ISY1: variants seen among roughly 807,000 people sequenced by gnomAD.
ISY1 encodes pre-mRNA-splicing factor ISY1 homolog.
A neutral mutation model predicts 54.4 loss-of-function variants in ISY1; 12 were observed. The observed-to-expected ratio is 0.22, with a 90% CI of 0.14 to 0.36. ISY1 has a LOEUF of 0.36. Among genes scored for constraint, ISY1 ranks in the 10% least tolerant of loss-of-function variants. The pLI is 1.00. For synonymous variants in ISY1, 96 were observed against 117.9 expected (o/e 0.81, Z 1.20); for missense variants, 282 against 342.2 (o/e 0.82, Z 1.39).
chr3:129,136,227 G>A (rs914991237), intron 7 of ISY1, among the ~76,000 whole-genome samples: 15 of 151,382 alleles, frequency 9.9e-5, no homozygotes, highest in South Asian at 6.2e-4. Context: ...TCAGCCTCCC[G>A]AGTAGCTGGG....
At chr3:129,160,138 G>A (rs866349192) in intron 1 of ISY1, among the ~76,000 whole-genome samples, 2 of 151,902 alleles carry the variant, frequency 1.3e-5, no homozygotes, top group African/African-American at 4.8e-5. Context: ...CCATTCTCCT[G>A]CCTCAGCCTC....
At chr3:129,130,260 G>A (rs1326438884) in intron 10 of ISY1, 72 bp from the exon 11 acceptor site, 50 of 1,511,198 alleles carry the variant, frequency 3.3e-5, no homozygotes, top group Non-Finnish European at 2.6e-5. Flanking sequence ...CAGCCAGGAG[G>A]AAGTCCCCGT....
At chr3:129,139,022 C>T (rs1346879716) in intron 7 of ISY1, among the ~76,000 whole-genome samples, 1 of 151,816 alleles carries the variant, frequency 6.6e-6, no homozygotes, top group African/African-American at 2.4e-5. Context: ...GCAACCTCTG[C>T]CTCCCAGGTT....
intron 1 of ISY1, 44 bp downstream of exon 1, chr3:129,160,929 C>T: frequency 2.4e-6 from 1 of 424,788 alleles, no homozygotes; most frequent in African/African-American, 2.2e-5. Flanking sequence ...CCCCCCCGCC[C>T]GCCCGCCCAT....
At chr3:129,132,081 C>T (rs1421965896) in intron 9 of ISY1, among the ~76,000 whole-genome samples, 1 of 152,130 alleles carries the variant, frequency 6.6e-6, no homozygotes, top group African/African-American at 2.4e-5. Context: ...CCTCCCACCT[C>T]AGCCTCCCAA....
At chr3:129,148,744 T>C (rs947479337) in intron 5 of ISY1, among the ~76,000 whole-genome samples, 23 of 151,840 alleles carry the variant, frequency 1.5e-4, no homozygotes, top group Non-Finnish European at 3.4e-4. Context: ...TTTGTATTTA[T>C]TTTTAGTAGA....
chr3:129,144,240 C>CA, intron 6 of ISY1: 1 of 345,072 alleles, frequency 2.9e-6, no homozygotes, highest in Non-Finnish European at 5.8e-6. Flanking sequence ...TAAAAAACAG[C>CA]AAAAATAAAA....
intron 6 of ISY1, 53 bp downstream of exon 6, chr3:129,145,708 G>A (rs1936747663): frequency 2.6e-6 from 4 of 1,562,706 alleles, no homozygotes; most frequent in Admixed American, 1.7e-5. Flanking sequence ...GCTGGGAACT[G>A]CTGTGGGTGG....
intron 7 of ISY1, among the ~76,000 whole-genome samples, chr3:129,138,071 T>C (rs1405751281): frequency 6.9e-6 from 1 of 145,914 alleles, no homozygotes; most frequent in African/African-American, 2.6e-5. Flanking sequence ...GGTCAGGAGA[T>C]TGAGACCATC....
intron 5 of ISY1, among the ~76,000 whole-genome samples, chr3:129,153,680 G>A (rs1224444647): frequency 3.9e-5 from 6 of 152,070 alleles, no homozygotes; most frequent in Admixed American, 2.6e-4. Flanking sequence ...CAGCTACTCA[G>A]GAGGCTGAGG....
At chr3:129,159,801 T>C (rs1937250446) in intron 1 of ISY1, among the ~76,000 whole-genome samples, 1 of 152,172 alleles carries the variant, frequency 6.6e-6, no homozygotes, top group African/African-American at 2.4e-5. Context: ...TTTCCCCATC[T>C]TTACAATAGA....
chr3:129,139,762 TCTC>T (rs1429523818), intron 7 of ISY1, among the ~76,000 whole-genome samples: 2 of 151,944 alleles, frequency 1.3e-5, no homozygotes, highest in African/African-American at 4.8e-5. Flanking sequence ...CCTGTCTCAG[TCTC>T]CTGAGTAGCT....
At chr3:129,155,825 G>A (rs1576892915) in intron 5 of ISY1, among the ~76,000 whole-genome samples, 1 of 151,574 alleles carries the variant, frequency 6.6e-6, no homozygotes, top group African/African-American at 2.4e-5. Flanking sequence ...AGGTTCAAGC[G>A]ATTCTCCTGC....
chr3:129,142,185 C>A (rs184172088), intron 6 of ISY1, among the ~76,000 whole-genome samples: 2 of 139,196 alleles, frequency 1.4e-5, no homozygotes, highest in African/African-American at 2.7e-5. Flanking sequence ...CCAGCCTGGA[C>A]GACAGAGCGA....
At chr3:129,152,300 G>T (rs1177882981) in intron 5 of ISY1, among the ~76,000 whole-genome samples, 1 of 152,076 alleles carries the variant, frequency 6.6e-6, no homozygotes, top group African/African-American at 2.4e-5. Context: ...TTCTTCTTTG[G>T]AATGACACAG....
chr3:129,133,283 C>A (rs1228997497), intron 9 of ISY1, among the ~76,000 whole-genome samples: 1 of 152,134 alleles, frequency 6.6e-6, no homozygotes, highest in Non-Finnish European at 1.5e-5. Flanking sequence ...TCCTATAAAT[C>A]AGAAAATATG....
intron 5 of ISY1, among the ~76,000 whole-genome samples, chr3:129,154,439 CA>C (rs58548903): frequency 0.15 from 5,120 of 33,502 alleles, 152 homozygotes; most frequent in African/African-American, 0.38. Flanking sequence ...GACTCCATCT[CA>C]AAAAAAAAAA....
At chr3:129,153,027 T>A (rs1293174024) in intron 5 of ISY1, among the ~76,000 whole-genome samples, 1 of 111,990 alleles carries the variant, frequency 8.9e-6, no homozygotes, top group Non-Finnish European at 2.0e-5. Context: ...TTTTTTTTTT[T>A]GAGATGGACT....
At chr3:129,156,798 TAAG>T (rs1300703785) in intron 4 of ISY1, 54 bp downstream of exon 4, 32 of 1,587,334 alleles carry the variant, frequency 2.0e-5, no homozygotes, top group Admixed American at 1.5e-4. Context: ...ATTTAGATAA[TAAG>T]AAGAAATGAG....
Sources: allele counts gnomAD v4.1 joint callset (sites outside exome capture counted in the v4.1 genomes callset), GRCh38; gene constraint gnomAD v4.1.1; transcripts MANE v1.5; gene names NCBI Gene and HGNC (gene_info 2026-07-23, HGNC 2026-07-21).